The following MGAT4C variants were observed in gnomAD, a reference collection of about 807,000 sequenced individuals.
MGAT4C encodes the protein alpha-1,3-mannosyl-glycoprotein 4-beta-N-acetylglucosaminyltransferase C.
MGAT4C carries 19 observed loss-of-function variants against 40.1 expected under a neutral mutation model. The ratio of observed to expected loss-of-function variants is 0.47; its 90% CI spans 0.33 to 0.70. The LOEUF (loss-of-function observed/expected upper bound fraction) is 0.70, where lower values mean the gene tolerates loss of function less well. Among genes scored for constraint, MGAT4C ranks in the 30% least tolerant of loss-of-function variants. MGAT4C has a pLI of 0.02. For missense variants in MGAT4C, 491 were observed against 563.2 expected (o/e 0.87, Z 1.30); for synonymous variants, 181 against 187.1 (o/e 0.97, Z 0.27).
At chr12:86,667,476 A>C (rs1395101607) in intron 2 of MGAT4C, among the ~76,000 whole-genome samples, 1 of 152,216 alleles carries the variant, frequency 6.6e-6, no homozygotes, top group Non-Finnish European at 1.5e-5. Flanking sequence ...AAGCAAGCAA[A>C]TCAGACTGTG....
intron 2 of MGAT4C, among the ~76,000 whole-genome samples, chr12:86,003,119 G>T (rs1887521725): frequency 6.6e-6 from 1 of 152,180 alleles, no homozygotes; most frequent in Non-Finnish European, 1.5e-5. Context: ...CTTAAATTCT[G>T]TTCCAATTTT....
chr12:86,652,886 C>A (rs575164851), intron 2 of MGAT4C, among the ~76,000 whole-genome samples: 1 of 151,828 alleles, frequency 6.6e-6, no homozygotes, highest in South Asian at 2.1e-4. Context: ...TTTGAATGGG[C>A]ATTATTTTAT....
chr12:86,334,889 A>G (rs1954749149), intron 3 of MGAT4C, among the ~76,000 whole-genome samples: 1 of 152,110 alleles, frequency 6.6e-6, no homozygotes, highest in African/African-American at 2.4e-5. Context: ...TTCAATTAAA[A>G]CATTAAACTC....
At chr12:86,587,023 T>C (rs1278792851) in intron 2 of MGAT4C, among the ~76,000 whole-genome samples, 1 of 152,172 alleles carries the variant, frequency 6.6e-6, no homozygotes, top group African/African-American at 2.4e-5. Context: ...ATGAAGTCCT[T>C]GTCCATGCCT....
intron 1 of MGAT4C, among the ~76,000 whole-genome samples, chr12:86,774,419 C>CTCTCTCTT (rs1555227886): frequency 9.7e-5 from 10 of 102,868 alleles, no homozygotes; most frequent in African/African-American, 2.7e-4. Context: ...CTCTCTCTCT[C>CTCTCTCTT]TCTTTCTTTC....
At chr12:86,814,385 C>T (rs202010226) in intron 1 of MGAT4C, among the ~76,000 whole-genome samples, 6 of 53,392 alleles carry the variant, frequency 1.1e-4, no homozygotes, top group Non-Finnish European at 1.8e-4. Context: ...TATACATATA[C>T]GTATATATAT....
chr12:86,252,290 G>A (rs1952325287), intron 1 of MGAT4C, among the ~76,000 whole-genome samples: 1 of 151,892 alleles, frequency 6.6e-6, no homozygotes, highest in East Asian at 1.9e-4. Context: ...CTAAGTTCAG[G>A]GCTATTGTTT....
At chr12:86,474,062 C>T (rs1213871838) in intron 2 of MGAT4C, among the ~76,000 whole-genome samples, 1 of 152,002 alleles carries the variant, frequency 6.6e-6, no homozygotes, top group Non-Finnish European at 1.5e-5. Flanking sequence ...CTAACGAGAT[C>T]CTTTTTCAGC....
intron 1 of MGAT4C, among the ~76,000 whole-genome samples, chr12:86,083,545 C>T (rs1871233435): frequency 6.6e-6 from 1 of 151,950 alleles, no homozygotes; most frequent in Non-Finnish European, 1.5e-5. Flanking sequence ...TCAGGAAATC[C>T]TCACCAGCTT....
intron 1 of MGAT4C, among the ~76,000 whole-genome samples, chr12:86,168,753 G>C (rs1193619130): frequency 6.6e-6 from 1 of 152,072 alleles, no homozygotes; most frequent in Non-Finnish European, 1.5e-5. Context: ...CAAAAAGAGT[G>C]GATGAAACCA....
intron 3 of MGAT4C, among the ~76,000 whole-genome samples, chr12:86,404,554 T>C (rs1956428188): frequency 6.6e-6 from 1 of 151,958 alleles, no homozygotes; most frequent in Non-Finnish European, 1.5e-5. Context: ...AGGCAGAAAT[T>C]AGAATTTCAA....
chr12:86,248,334 A>C (rs996159388), intron 1 of MGAT4C, among the ~76,000 whole-genome samples: 2 of 151,892 alleles, frequency 1.3e-5, no homozygotes, highest in Non-Finnish European at 2.9e-5. Flanking sequence ...ATTAGGGAGA[A>C]TCTTTGACCT....
chr12:86,752,284 G>A (rs950384308), intron 1 of MGAT4C, among the ~76,000 whole-genome samples: 3 of 152,010 alleles, frequency 2.0e-5, no homozygotes, highest in African/African-American at 7.2e-5. Flanking sequence ...TCTCATGAAT[G>A]TTCCACAGTT....
chr12:86,804,221 T>A (rs1355665059), intron 1 of MGAT4C, among the ~76,000 whole-genome samples: 4 of 140,178 alleles, frequency 2.9e-5, no homozygotes, highest in South Asian at 2.3e-4. Context: ...AACAATGAGA[T>A]CACATGGACA....
At chr12:86,517,665 G>C (rs769741111) in intron 2 of MGAT4C, among the ~76,000 whole-genome samples, 4 of 151,934 alleles carry the variant, frequency 2.6e-5, no homozygotes, top group Non-Finnish European at 5.9e-5. Context: ...TATTTATTTA[G>C]AGATGGAGTC....
In MGAT4C at chr12:85,965,733, C is replaced by G. The variant is rs909036902; in HGVS notation, c.*13556G>C. On this transcript the variant is annotated 3_prime_UTR_variant, in exon 5 of 5. Coordinates refer to ENST00000611864, the MANE Select transcript of MGAT4C (RefSeq NM_001351288.2). Reference sequence around the variant, plus strand: ...TTTGAAACAGAACTTTTCCTAGCTTCTAAATGATTAGAAATTTCAGCTTTG... The same window carrying G: ...TTTGAAACAGAACTTTTCCTAGCTTGTAAATGATTAGAAATTTCAGCTTTG... 6.6e-6 allele frequency: 1 copy of G among 151,752 alleles called. No homozygotes were observed. Among genetic ancestry groups the G allele is most frequent in the Admixed American group, 6.6e-5 (1 of 15,210 alleles). 9.4% of individuals were successfully genotyped at this position (151,752 alleles called of 1,614,324 possible).
In MGAT4C at chr12:86,631,292, A is replaced by G. The variant is rs535039862; in HGVS notation, c.-229+95917T>C. The stretch of plus-strand genomic sequence containing the variant: ...ATGGAAAAACATTCCATGCTCATGG[A>G]TAGGAAGAATCAAAATCGTGAATAT... On this transcript the variant is annotated intron_variant, in intron 2 of 7. Coordinates refer to the MGAT4C transcript ENST00000548651. Among the ~76,000 whole-genome samples, 31 of 152,270 alleles carry G rather than the reference A, an allele frequency of 2.0e-4. No individual in the cohort carries two copies. The East Asian group carries it at 5.8e-3, about 28-fold the overall frequency.
chr12:86,384,451 A>G (rs2136222711), intron 3 of MGAT4C, among the ~76,000 whole-genome samples: 1 of 152,342 alleles, frequency 6.6e-6, no homozygotes, highest in South Asian at 2.1e-4. Context: ...AATGGTGTTC[A>G]GGATTGTGAC....
chr12:86,629,936 A>T (rs1243796512), intron 2 of MGAT4C, among the ~76,000 whole-genome samples: 2 of 152,202 alleles, frequency 1.3e-5, no homozygotes, highest in Non-Finnish European at 2.9e-5. Context: ...AGGCACAAAA[A>T]ACCATTCAAA....
Sources: gnomAD v4.1 joint callset for allele counts (sites outside exome capture counted in the v4.1 genomes callset) on GRCh38, gnomAD v4.1.1 for gene constraint, MANE v1.5 for transcripts, NCBI Gene and HGNC (gene_info 2026-07-23, HGNC 2026-07-21) for gene names.